SV2B: variants seen among roughly 807,000 people sequenced by gnomAD.
SV2B encodes solute carrier family 22 member B2.
In SV2B, 41 loss-of-function variants were observed where a neutral mutation model predicts 73.9. The ratio of observed to expected loss-of-function variants is 0.56; its 90% confidence interval spans 0.43 to 0.72. The LOEUF (loss-of-function observed/expected upper bound fraction) is 0.72. SV2B is among the 30% of genes least tolerant of loss of function. The pLI is 0.00. For synonymous variants in SV2B, 314 were observed against 314.2 expected, an observed-to-expected ratio of 1.00 and a Z score of 0.01; for missense variants, 764 against 857.8, an observed-to-expected ratio of 0.89 and a Z score of 1.37.
rs1472514307 is a variant in SV2B at position 91,137,540 on chromosome 15, AACT to A, written c.-392+37180_-392+37182del. ...TCTCACTTATTAGATTTTATTCCAA[AACT>A]ACAGGACAAAACTAGGAAAATGTGA... On this transcript the variant is annotated intron_variant, in intron 1 of 12. Transcript: ENST00000394232. This position sits in a 1 kb window ranked among gnomAD's most constrained non-coding sequence, Gnocchi z 4.9. 1.3e-5 allele frequency among the ~76,000 whole-genome samples: 2 copies of A among 149,676 alleles called. No individual in the cohort carries two copies. Among genetic ancestry groups the A allele is most frequent in the Non-Finnish European group, 3.0e-5 (2 of 67,566 alleles).
intron 1 of SV2B, among the ~76,000 whole-genome samples, chr15:91,146,215 C>G (rs1408711938): frequency 2.0e-5 from 3 of 152,180 alleles, no homozygotes; most frequent in African/African-American, 7.2e-5. Context: ...AGCCAGTTAT[C>G]CCAGCACCAT....
intron 1 of SV2B, among the ~76,000 whole-genome samples, chr15:91,218,939 T>G (rs149693063): frequency 9.5e-4 from 144 of 152,234 alleles, no homozygotes; most frequent in East Asian, 5.4e-3. Flanking sequence ...GGGCTTGCTT[T>G]CTTTCTTCTT....
rs1192149872 is a variant in SV2B, at chr15:91,253,385, T to C, written c.784+865T>C. 3.3e-5 allele frequency among the ~76,000 whole-genome samples: 5 copies of C among 152,236 alleles called. No individual in the cohort carries two copies. Among genetic ancestry groups the C allele is most frequent in the Non-Finnish European group, 7.3e-5 (5 of 68,044 alleles). ...TTACCACCTATTTATTGTCTTGTTT[T>C]AAATATGACCCTCTCTGCTGTGCTT... On this transcript the variant is annotated intron_variant, in intron 4 of 12. Transcript: ENST00000394232. The surrounding 1 kb of genome is among the most constrained non-coding windows in gnomAD (Gnocchi z 5.0).
rs1596424044 is a variant in SV2B at position 91,115,828 on chromosome 15, A to G, written c.-392+15465A>G. On this transcript the variant is annotated intron_variant, in intron 1 of 12. Coordinates refer to ENST00000394232, the MANE Select transcript of SV2B (RefSeq NM_001323032.3). This position sits in a 1 kb window ranked among gnomAD's most constrained non-coding sequence, Gnocchi z 4.3. ...GCCTTTTACATTTATTTATTTATTC[A>G]GCAAATGTTTATTGACTTCTCATTG... 1.3e-5 allele frequency among the ~76,000 whole-genome samples: 2 copies of G among 152,162 alleles called. No homozygotes were observed. The highest frequency in any genetic ancestry group is 3.8e-4 in the East Asian group (2 of 5,198).
Position 91,110,118 on chromosome 15 carries a change from T to C in SV2B, c.-392+9755T>C, listed in dbSNP as rs574579075. On this transcript the variant is annotated intron_variant, in intron 1 of 12. Transcript: ENST00000394232. The surrounding 1 kb of genome is among the most constrained non-coding windows in gnomAD (Gnocchi z 5.4). ...CAGGAGTAATGATGGACAGCTCATT[T>C]ATCCATTAACGTGTTCTGTTCCTTC... 2.0e-5 allele frequency among the ~76,000 whole-genome samples: 3 copies of C among 152,338 alleles called. No homozygotes were observed. Among genetic ancestry groups the C allele is most frequent in the African/African-American group, 7.2e-5 (3 of 41,586 alleles).
rs578172495 is a variant in SV2B at position 91,260,243 on chromosome 15, T to A, written c.919-77T>A. On this transcript the variant is annotated intron_variant, in intron 5 of 12. Coordinates refer to ENST00000394232, the MANE Select transcript of SV2B (RefSeq NM_001323032.3). ...CGTATCAACATTCCCATTGAGTTTG[T>A]AGGATTTTCCACCCCTAATGAACAG... 53 of 1,302,024 alleles carry A rather than the reference T, an allele frequency of 4.1e-5. No homozygotes were observed. The African/African-American group carries it at 7.6e-4, about 19-fold the overall frequency. The allele number at this position is 1,302,024 out of a possible 1,614,324, so 80.7% of individuals were successfully genotyped here.
chr15:91,278,089 A>G (rs2048552124), intron 9 of SV2B, among the ~76,000 whole-genome samples: 1 of 152,156 alleles, frequency 6.6e-6, no homozygotes, highest in African/African-American at 2.4e-5. Context: ...ACATTTTCTG[A>G]TTCTTCATGA....
At chr15:91,108,428 G>A (rs1324995509) in intron 1 of SV2B, among the ~76,000 whole-genome samples, 1 of 152,230 alleles carries the variant, frequency 6.6e-6, no homozygotes, top group Non-Finnish European at 1.5e-5. Context: ...CCTGTCTGAT[G>A]CCTTTGTGGC....
At chr15:91,212,552 C>T (rs1023292449) in intron 1 of SV2B, among the ~76,000 whole-genome samples, 1 of 152,110 alleles carries the variant, frequency 6.6e-6, no homozygotes, top group Non-Finnish European at 1.5e-5. Context: ...CGTGTTCCTG[C>T]GTCATCATAC....
chr15:91,235,556 A>C (rs1447957124), intron 2 of SV2B, among the ~76,000 whole-genome samples: 1 of 152,218 alleles, frequency 6.6e-6, no homozygotes, highest in Admixed American at 6.5e-5. Context: ...GGGGTTAAAA[A>C]AAAAATCTCT....
chr15:91,185,963 A>C (rs1354696263), intron 1 of SV2B, among the ~76,000 whole-genome samples: 1 of 152,242 alleles, frequency 6.6e-6, no homozygotes, highest in South Asian at 2.1e-4. Context: ...TCCTCTTCTA[A>C]GATGGGCTCT....
intron 1 of SV2B, among the ~76,000 whole-genome samples, chr15:91,142,672 A>G (rs1377235728): frequency 6.6e-6 from 1 of 152,252 alleles, no homozygotes; most frequent in Non-Finnish European, 1.5e-5. Flanking sequence ...GCTTTCCAAG[A>G]AATGGAAATC....
At position 91,268,630 on chromosome 15, in the gene SV2B, C is replaced by G. The variant is rs142008008; in HGVS notation, c.1373+25C>G. ...AGTAAGTGAGTGATCACGGGCTTCC[C>G]TCACATCAGGGTGACAGTCGTGGGG... On this transcript the variant is annotated intron_variant, in intron 9 of 12. Transcript: ENST00000394232. The surrounding 1 kb of genome is among the most constrained non-coding windows in gnomAD (Gnocchi z 4.4). 1 of 1,601,262 alleles carries G rather than the reference C, an allele frequency of 6.2e-7. No homozygotes were observed. Among genetic ancestry groups the G allele is most frequent in the Admixed American group, 1.7e-5 (1 of 59,724 alleles).
At chr15:91,109,402 G>C (rs1382891205) in intron 1 of SV2B, among the ~76,000 whole-genome samples, 2 of 152,198 alleles carry the variant, frequency 1.3e-5, no homozygotes, top group East Asian at 3.9e-4. Flanking sequence ...TATGTGTGTG[G>C]GCAGGAGCTC....
Position 91,121,818 on chromosome 15 carries a change from A to G in SV2B, c.-392+21455A>G, listed in dbSNP as rs60491380. ...GAGATGGAGTCTCGCTCTGTCACCC[A>G]GGCTGGAGTGCAGTGGCGCGATCTC... On this transcript the variant is annotated intron_variant, in intron 1 of 12. Coordinates refer to ENST00000394232, the MANE Select transcript of SV2B (RefSeq NM_001323032.3). This position sits in a 1 kb window ranked among gnomAD's most constrained non-coding sequence, Gnocchi z 4.4. Among the ~76,000 whole-genome samples, 16,445 of 147,908 alleles carry G rather than the reference A, an allele frequency of 0.11. 1,338 individuals carry two copies. Among genetic ancestry groups the G allele is most frequent in the African/African-American group, 0.24 (9,474 of 39,778 alleles).
At position 91,267,350 on chromosome 15, in the gene SV2B, T is replaced by TA. The variant is rs1252618370; in HGVS notation, c.1120-204dup. On this transcript the variant is annotated intron_variant, in intron 7 of 12. Coordinates refer to ENST00000394232, the MANE Select transcript of SV2B (RefSeq NM_001323032.3). This position sits in a 1 kb window ranked among gnomAD's most constrained non-coding sequence, Gnocchi z 4.3. ...CCCGGGGAAAATCCTATTGGACTGT[T>TA]AGAGTATGAGGCCAGCCAGTAGGAA... is the stretch of plus-strand genomic sequence containing the variant. 4.5e-4 allele frequency among the ~76,000 whole-genome samples: 69 copies of TA among 152,318 alleles called. No individual in the cohort carries two copies. The highest frequency in any genetic ancestry group is 6.8e-3 in the Middle Eastern group (2 of 294).
chr15:91,171,597 G>C (rs2044124280), intron 1 of SV2B, among the ~76,000 whole-genome samples: 2 of 152,150 alleles, frequency 1.3e-5, no homozygotes, highest in Non-Finnish European at 2.9e-5. Flanking sequence ...GTTGGAATGG[G>C]TCTCAGAGAC....
intron 1 of SV2B, among the ~76,000 whole-genome samples, chr15:91,126,709 A>T (rs2042493815): frequency 6.6e-6 from 1 of 152,244 alleles, no homozygotes; most frequent in Non-Finnish European, 1.5e-5. Context: ...TAATGTTTAA[A>T]AGTCAATCAA....
At chr15:91,172,961 A>G (rs1567313128) in intron 1 of SV2B, among the ~76,000 whole-genome samples, 1 of 152,010 alleles carries the variant, frequency 6.6e-6, no homozygotes, top group Admixed American at 6.6e-5. Context: ...AGTCCAGACA[A>G]TACACACGTG....
Sources: gnomAD v4.1 joint callset for allele counts (sites outside exome capture counted in the v4.1 genomes callset) on GRCh38, gnomAD v4.1.1 for gene constraint, Gnocchi (gnomAD v3.1) non-coding constraint, MANE v1.5 for transcripts, NCBI Gene and HGNC (gene_info 2026-07-23, HGNC 2026-07-21) for gene names.